TRPM3: variants seen among roughly 807,000 people sequenced by gnomAD.
TRPM3 encodes transient receptor potential cation channel subfamily M member 3.
A neutral mutation model predicts 181.2 loss-of-function variants in TRPM3; 77 were observed. That is an observed-to-expected ratio of 0.42 (90% confidence interval 0.35 to 0.51). The LOEUF (loss-of-function observed/expected upper bound fraction) is 0.51. Ranked by LOEUF, TRPM3 falls within the 20% of genes least tolerant of loss-of-function variation. TRPM3 has a pLI of 0.01. For synonymous variants in TRPM3, 745 were observed against 796.4 expected (o/e 0.94, Z 1.09); for missense variants, 1,759 against 2,196.7 (o/e 0.80, Z 3.98).
intron 11 of TRPM3, among the ~76,000 whole-genome samples, chr9:70,636,830 G>C (rs1430705363): frequency 6.6e-6 from 1 of 151,808 alleles, no homozygotes; most frequent in Non-Finnish European, 1.5e-5. Flanking sequence ...TGGGATTACA[G>C]ATGTGCACCA....
chr9:71,443,111 A>C (rs2094155730), intron 1 of TRPM3, among the ~76,000 whole-genome samples: 1 of 152,218 alleles, frequency 6.6e-6, no homozygotes, highest in Admixed American at 6.5e-5. Context: ...AACAGTTTAG[A>C]TTTGAAAAAT....
rs1554806773 is a variant in TRPM3, at chr9:71,032,033, A to ATAT, written c.177+89144_177+89145insATA. ...ATATATAATATATATATATAATATA[A>ATAT]ATATATATATATATATTATATATAT... On this transcript the variant is annotated intron_variant, in intron 1 of 25. Transcript: ENST00000677713. 7.0e-3 allele frequency among the ~76,000 whole-genome samples: 7 copies of ATAT among 1,000 alleles called. 1 individual carries two copies. Among genetic ancestry groups the ATAT allele is most frequent in the South Asian group, 0.018 (2 of 110 alleles). 0.7% of individuals were successfully genotyped at this position (1,000 alleles called of 152,430 possible). A position where few individuals can be genotyped will look rare whatever the true frequency, so the allele number is the denominator to read the frequency against.
At chr9:71,087,058 G>T (rs1210294870) in intron 1 of TRPM3, among the ~76,000 whole-genome samples, 1 of 151,868 alleles carries the variant, frequency 6.6e-6, no homozygotes, top group Non-Finnish European at 1.5e-5. Context: ...GAAAATTTTT[G>T]GACACCATTG....
At chr9:71,119,716 T>A (rs1045290584) in intron 1 of TRPM3, among the ~76,000 whole-genome samples, 12 of 152,198 alleles carry the variant, frequency 7.9e-5, no homozygotes, top group African/African-American at 2.7e-4. Context: ...GACTTAGATA[T>A]GCCCATTCTT....
chr9:70,932,815 A>G (rs2096788373), intron 1 of TRPM3, among the ~76,000 whole-genome samples: 2 of 152,194 alleles, frequency 1.3e-5, no homozygotes, highest in African/African-American at 4.8e-5. Context: ...TTTGTGGTGG[A>G]AAGTGGAGGT....
intron 1 of TRPM3, among the ~76,000 whole-genome samples, chr9:71,442,168 T>C: frequency 6.6e-6 from 1 of 152,192 alleles, no homozygotes; most frequent in Non-Finnish European, 1.5e-5. Context: ...GCTGTTTCCA[T>C]ACACTCTCTC....
At chr9:70,823,944 C>T (rs904656599) in intron 6 of TRPM3, among the ~76,000 whole-genome samples, 1 of 152,154 alleles carries the variant, frequency 6.6e-6, no homozygotes, top group African/African-American at 2.4e-5. Flanking sequence ...TCAGTCCTGA[C>T]TGTTGGCTGT....
chr9:70,933,441 T>C (rs886215492), intron 1 of TRPM3, among the ~76,000 whole-genome samples: 1 of 151,906 alleles, frequency 6.6e-6, no homozygotes, highest in African/African-American at 2.4e-5. Context: ...ACCAGATAAG[T>C]GTAGAAAATA....
intron 1 of TRPM3, among the ~76,000 whole-genome samples, chr9:70,949,166 C>A (rs2096968406): frequency 6.6e-6 from 1 of 151,938 alleles, no homozygotes; most frequent in Non-Finnish European, 1.5e-5. Context: ...AATCAATAGG[C>A]AGAAACTAAT....
At chr9:71,297,576 C>T (rs1044069601) in intron 1 of TRPM3, among the ~76,000 whole-genome samples, 15 of 152,040 alleles carry the variant, frequency 9.9e-5, no homozygotes, top group Non-Finnish European at 1.3e-4. Flanking sequence ...TTTAAAAAAC[C>T]ATCAGATCTC....
chr9:71,266,150 A>G (rs1304662324), intron 1 of TRPM3, among the ~76,000 whole-genome samples: 1 of 152,178 alleles, frequency 6.6e-6, no homozygotes, highest in African/African-American at 2.4e-5. Flanking sequence ...TTCATATTGT[A>G]GCTCCCCACT....
At chr9:70,623,367 A>C (rs1165263910) in intron 14 of TRPM3, among the ~76,000 whole-genome samples, 1 of 42,300 alleles carries the variant, frequency 2.4e-5, no homozygotes, top group African/African-American at 1.1e-4. Context: ...CTGCGTCTCA[A>C]AAAAAAAAAA....
At chr9:70,916,727 T>C (rs895873405) in intron 1 of TRPM3, among the ~76,000 whole-genome samples, 1 of 152,154 alleles carries the variant, frequency 6.6e-6, no homozygotes, top group Non-Finnish European at 1.5e-5. Flanking sequence ...GAATAAGCCA[T>C]AAATAGGAAA....
At chr9:70,844,312 C>A (rs1281621245) in intron 4 of TRPM3, among the ~76,000 whole-genome samples, 1 of 152,110 alleles carries the variant, frequency 6.6e-6, no homozygotes, top group African/African-American at 2.4e-5. Flanking sequence ...GTTTAAAAAG[C>A]AAATAACAAA....
At chr9:70,680,244 A>G (rs577260966) in intron 9 of TRPM3, among the ~76,000 whole-genome samples, 24 of 152,326 alleles carry the variant, frequency 1.6e-4, no homozygotes, top group South Asian at 4.1e-4. Context: ...CTGTAGCTCA[A>G]CTTACTCCAT....
intron 1 of TRPM3, among the ~76,000 whole-genome samples, chr9:71,294,300 T>A (rs1229454267): frequency 6.6e-6 from 1 of 151,674 alleles, no homozygotes; most frequent in Non-Finnish European, 1.5e-5. Flanking sequence ...AAACAAAAAA[T>A]CTAATAGAAA....
chr9:70,696,422 C>T (rs1371622487), intron 8 of TRPM3, among the ~76,000 whole-genome samples: 2 of 152,212 alleles, frequency 1.3e-5, no homozygotes, highest in African/African-American at 4.8e-5. Context: ...AGGCTCAGTG[C>T]TGTCCTGGGA....
intron 1 of TRPM3, among the ~76,000 whole-genome samples, chr9:71,141,569 G>A (rs1485129679): frequency 6.6e-6 from 1 of 151,960 alleles, no homozygotes; most frequent in Non-Finnish European, 1.5e-5. Flanking sequence ...TAAGTTAAAG[G>A]GGCTTTTCAA....
chr9:71,384,468 A>G (rs1195651395), intron 1 of TRPM3, among the ~76,000 whole-genome samples: 1 of 152,238 alleles, frequency 6.6e-6, no homozygotes, highest in African/African-American at 2.4e-5. Context: ...ACAAAATCTC[A>G]TGAGCATACA....
Sources: gnomAD v4.1 joint callset for allele counts (sites outside exome capture counted in the v4.1 genomes callset) on GRCh38, gnomAD v4.1.1 for gene constraint, MANE v1.5 for transcripts, NCBI Gene and HGNC (gene_info 2026-07-23, HGNC 2026-07-21) for gene names.